ZCCHC14: variants seen among roughly 807,000 people sequenced by gnomAD.
The protein encoded by ZCCHC14 is zinc finger CCHC domain-containing protein 14.
ZCCHC14 carries 16 observed loss-of-function variants against 85.0 expected under a neutral mutation model. The observed-to-expected ratio is 0.19, with a 90% CI of 0.13 to 0.29. ZCCHC14 has a LOEUF of 0.29. Among genes scored for constraint, ZCCHC14 ranks in the 10% least tolerant of loss-of-function variants. The pLI is 1.00. For synonymous variants in ZCCHC14, 775 were observed against 630.7 expected, an observed-to-expected ratio of 1.23 and a Z score of -3.43; for missense variants, 1,303 against 1,443.5, an observed-to-expected ratio of 0.90 and a Z score of 1.58.
intron 8 of ZCCHC14, among the ~76,000 whole-genome samples, chr16:87,416,551 T>TC: frequency 1.3e-5 from 2 of 152,132 alleles, no homozygotes; most frequent in Middle Eastern, 6.8e-3. Context: ...AGTCAGGAGT[T>TC]CGAGACTAGC....
intron 1 of ZCCHC14, among the ~76,000 whole-genome samples, chr16:87,475,502 G>A (rs139152773): frequency 0.017 from 2,470 of 147,686 alleles, 24 homozygotes; most frequent in Middle Eastern, 0.048. Flanking sequence ...GCAGTGAGCC[G>A]AGAGTGTGCC....
intron 5 of ZCCHC14, 119 bp from the exon 6 acceptor site, chr16:87,419,996 T>C (rs1327359118): frequency 1.4e-6 from 1 of 727,252 alleles, no homozygotes; most frequent in African/African-American, 1.8e-5. Context: ...AAGCCAGAAG[T>C]GCCAGAGCCT....
At chr16:87,446,001 T>G (rs1034674654) in intron 2 of ZCCHC14, among the ~76,000 whole-genome samples, 7 of 152,126 alleles carry the variant, frequency 4.6e-5, no homozygotes, top group African/African-American at 7.2e-5. Context: ...AGTATTTTTC[T>G]TAAACTTTAA....
At chr16:87,464,471 C>A (rs1299338421) in intron 1 of ZCCHC14, among the ~76,000 whole-genome samples, 1 of 152,110 alleles carries the variant, frequency 6.6e-6, no homozygotes, top group Non-Finnish European at 1.5e-5. Context: ...AAGAGGAGAC[C>A]CAGAGAAAAC....
In ZCCHC14 at chr16:87,460,094, C is replaced by A. The variant is rs1567533771; in HGVS notation, c.608G>T (p.Ser203Ile). The A allele has an allele frequency of 1.2e-6, 2 of 1,614,086 alleles. No individual in the cohort carries two copies. Among genetic ancestry groups the A allele is most frequent in the African/African-American group, 2.7e-5 (2 of 74,936 alleles). Residue 203 changes from serine to isoleucine, a missense_variant, in exon 2 of 13, where the codon AGT becomes ATT. Transcript: ENST00000671377. ...GTGCAGGGCATTCTCCAAACTATTA[C>A]TGACACTGCTGACAGGGGCCTCAGT... ...PRTEAPVSSV[S>I]NSLENALHTS... is the part of the protein sequence containing the mutation.
At position 87,408,328 on chromosome 16, in the gene ZCCHC14, A is replaced by G. The variant is rs574437411; in HGVS notation, c.*1952T>C. On this transcript the variant is annotated 3_prime_UTR_variant, in exon 13 of 13. Transcript: ENST00000671377. ...TTTGCTTAAAAAAACCAAAAAATTT[A>G]AAAGTTTGGCTTTCAGCACATATCC... is the stretch of plus-strand genomic sequence containing the variant. 1.3e-5 allele frequency: 2 copies of G among 152,648 alleles called. No homozygotes were observed. Among genetic ancestry groups the G allele is most frequent in the South Asian group, 2.1e-4 (1 of 4,832 alleles). The allele number at this position is 152,648 out of a possible 1,614,324, so 9.5% of individuals were successfully genotyped here.
chr16:87,420,898 A>G lies in ZCCHC14; in HGVS notation c.841-182T>C, dbSNP rs1465682538. Among the ~76,000 whole-genome samples the G allele has an allele frequency of 6.6e-6, 1 of 152,238 alleles. No homozygotes were observed. Among genetic ancestry groups the G allele is most frequent in the Non-Finnish European group, 1.5e-5 (1 of 68,040 alleles). The stretch of plus-strand genomic sequence containing the variant: ...TCCACTTAGGGTGTAGAAAGTCACA[A>G]AAGAACATCGCTCTCACAGTTACAT... On this transcript the variant is annotated intron_variant, in intron 4 of 12. Transcript: ENST00000671377. The surrounding 1 kb of genome is among the most constrained non-coding windows in gnomAD (Gnocchi z 5.0).
At chr16:87,453,985 C>G (rs12445473) in intron 2 of ZCCHC14, among the ~76,000 whole-genome samples, 103,311 of 152,194 alleles carry the variant, frequency 0.68, 38,397 homozygotes, top group South Asian at 0.87. Flanking sequence ...GAACCATACA[C>G]AAATTCTGAA....
intron 2 of ZCCHC14, among the ~76,000 whole-genome samples, chr16:87,459,103 C>T (rs1911124260): frequency 6.6e-6 from 1 of 152,206 alleles, no homozygotes; most frequent in Admixed American, 6.5e-5. Flanking sequence ...GGGGCTCAGG[C>T]CGCGCCTCAC....
chr16:87,416,115 G>A (rs1297331150), intron 8 of ZCCHC14, among the ~76,000 whole-genome samples: 1 of 151,844 alleles, frequency 6.6e-6, no homozygotes, highest in African/African-American at 2.4e-5. Flanking sequence ...TAGTAGAGAC[G>A]GGGTTTCACC....
chr16:87,423,903 A>C (rs201892059), intron 3 of ZCCHC14, 22 bp from the exon 4 acceptor site: 212 of 1,612,044 alleles, frequency 1.3e-4, no homozygotes, highest in Middle Eastern at 1.7e-4. Context: ...ACAAACAAAC[A>C]AACCTTAGAA....
At chr16:87,433,934 G>C (rs543765081) in intron 2 of ZCCHC14, among the ~76,000 whole-genome samples, 1 of 152,198 alleles carries the variant, frequency 6.6e-6, no homozygotes, top group Non-Finnish European at 1.5e-5. Context: ...GAAAGCCACC[G>C]TGCCTGGCCT....
At chr16:87,481,526 C>CGAG (rs1555525655) in intron 1 of ZCCHC14, among the ~76,000 whole-genome samples, 3 of 2,432 alleles carry the variant, frequency 1.2e-3, no homozygotes, top group East Asian at 0.018. Flanking sequence ...GGGAGAGAAA[C>CGAG]GGGGGGGGGG....
chr16:87,467,750 C>G, intron 1 of ZCCHC14: 1 of 552,554 alleles, frequency 1.8e-6, no homozygotes, highest in Admixed American at 2.8e-5. Context: ...CTCCCGGGTT[C>G]ACACCATTCT....
At chr16:87,458,894 G>A (rs535729763) in intron 2 of ZCCHC14, among the ~76,000 whole-genome samples, 6 of 152,274 alleles carry the variant, frequency 3.9e-5, no homozygotes, top group African/African-American at 1.4e-4. Flanking sequence ...ACTGGAAAGC[G>A]CCACCCTGGT....
chr16:87,482,844 T>C (rs1409752833), intron 1 of ZCCHC14, among the ~76,000 whole-genome samples: 3 of 152,112 alleles, frequency 2.0e-5, no homozygotes, highest in Non-Finnish European at 2.9e-5. Context: ...ATCCGTTTGA[T>C]ATAAAAAGAG....
intron 3 of ZCCHC14, among the ~76,000 whole-genome samples, chr16:87,424,296 G>A (rs1239062260): frequency 2.6e-5 from 4 of 152,198 alleles, no homozygotes; most frequent in African/African-American, 7.2e-5. Context: ...GTAAGGGCCC[G>A]TGGTGCGCCC....
rs541881761 is a variant in ZCCHC14, at chr16:87,413,095, G to A, written c.1704C>T (p.Ala568=). ...SSSSSPMGVQ[A]REESSDSAEE... ...CAGCGCTGTCGGAGCTCTCTTCCCG[G>A]GCCTGTACCCCCATGGGGCTGGAGG... Residue 568 remains alanine (A), a synonymous_variant, in exon 11 of 13, where the codon GCC becomes GCT. Coordinates refer to ENST00000671377, the MANE Select transcript of ZCCHC14 (RefSeq NM_015144.3). The A allele has an allele frequency of 3.7e-6, 6 of 1,614,078 alleles. No individual in the cohort carries two copies. The Admixed American group carries it at 5.0e-5, about 13-fold the overall frequency.
At chr16:87,444,265 G>T (rs1314274520) in intron 2 of ZCCHC14, among the ~76,000 whole-genome samples, 1 of 152,120 alleles carries the variant, frequency 6.6e-6, no homozygotes, top group East Asian at 1.9e-4. Flanking sequence ...TGAACATCTT[G>T]TTATGTCAGA....
Sources: allele counts gnomAD v4.1 joint callset (sites outside exome capture counted in the v4.1 genomes callset), GRCh38; gene constraint gnomAD v4.1.1; non-coding constraint Gnocchi (gnomAD v3.1); transcripts MANE v1.5; gene names NCBI Gene and HGNC (gene_info 2026-07-23, HGNC 2026-07-21).